SGCZ: variants seen among roughly 807,000 people sequenced by gnomAD.
SGCZ encodes the protein sarcoglycan zeta.
Under a neutral mutation model 41.3 loss-of-function variants are expected in SGCZ, and 40 were observed. The observed-to-expected ratio is 0.97, with a 90% CI of 0.75 to 1.26. SGCZ has a LOEUF of 1.26. Ranked by LOEUF, SGCZ falls within the 50% of genes most tolerant of loss-of-function variation. The pLI is 0.00. For synonymous variants in SGCZ, 206 were observed against 137.5 expected, an observed-to-expected ratio of 1.50 and a Z score of -3.49; for missense variants, 552 against 369.8, an observed-to-expected ratio of 1.49 and a Z score of -4.04.
intron 1 of SGCZ, among the ~76,000 whole-genome samples, chr8:14,795,706 G>A (rs964273609): frequency 6.6e-6 from 1 of 152,108 alleles, no homozygotes; most frequent in African/African-American, 2.4e-5. Flanking sequence ...AGGGGTACAA[G>A]TGCATATTAA....
intron 4 of SGCZ, among the ~76,000 whole-genome samples, chr8:14,177,828 G>A (rs907679484): frequency 6.6e-6 from 1 of 150,786 alleles, no homozygotes; most frequent in Non-Finnish European, 1.5e-5. Flanking sequence ...CCGGCCCTCT[G>A]TTTCCTTTTC....
chr8:15,078,864 C>T (rs930874286), intron 1 of SGCZ, among the ~76,000 whole-genome samples: 1 of 149,592 alleles, frequency 6.7e-6, no homozygotes, highest in Non-Finnish European at 1.5e-5. Context: ...GTATTCTAAT[C>T]CTCCTTTCTC....
intron 3 of SGCZ, among the ~76,000 whole-genome samples, chr8:14,296,563 A>C (rs1177766702): frequency 6.6e-6 from 1 of 152,220 alleles, no homozygotes; most frequent in African/African-American, 2.4e-5. Flanking sequence ...ATATGTATGC[A>C]ATAATATATG....
At chr8:14,631,167 A>C (rs1003707738) in intron 1 of SGCZ, among the ~76,000 whole-genome samples, 9 of 152,060 alleles carry the variant, frequency 5.9e-5, no homozygotes, top group African/African-American at 2.2e-4. Context: ...CGAATCTCCA[A>C]CACGTTATTT....
At chr8:15,071,277 T>G (rs1805341626) in intron 1 of SGCZ, among the ~76,000 whole-genome samples, 2 of 152,310 alleles carry the variant, frequency 1.3e-5, no homozygotes, top group African/African-American at 4.8e-5. Flanking sequence ...GAAAAGACTG[T>G]GTGTTTGTTG....
intron 1 of SGCZ, among the ~76,000 whole-genome samples, chr8:14,991,473 G>A (rs1209467022): frequency 6.6e-6 from 1 of 152,040 alleles, no homozygotes; most frequent in Non-Finnish European, 1.5e-5. Flanking sequence ...TAAATTCTAG[G>A]GCTTTGAGTG....
chr8:14,401,412 T>C (rs1445196972), intron 2 of SGCZ, among the ~76,000 whole-genome samples: 1 of 147,082 alleles, frequency 6.8e-6, no homozygotes, highest in East Asian at 2.0e-4. Flanking sequence ...GCATTAGGTA[T>C]ATCTCCTAAA....
At chr8:14,337,618 C>G (rs537368615) in intron 2 of SGCZ, among the ~76,000 whole-genome samples, 1 of 151,972 alleles carries the variant, frequency 6.6e-6, no homozygotes, top group Non-Finnish European at 1.5e-5. Flanking sequence ...GAATGAAAGT[C>G]TCAGGAAAGT....
chr8:15,045,473 T>G (rs1470263613), intron 1 of SGCZ, among the ~76,000 whole-genome samples: 1 of 152,050 alleles, frequency 6.6e-6, no homozygotes, highest in African/African-American at 2.4e-5. Context: ...CATGTTTCAA[T>G]CAGTAATAAC....
rs188838852 is a variant in SGCZ at position 14,909,683 on chromosome 8, A to G, written c.39+327902T>C. Among the ~76,000 whole-genome samples, 40 of 152,248 alleles carry G rather than the reference A, an allele frequency of 2.6e-4. No homozygotes were observed. The East Asian group carries it at 7.0e-3, about 26-fold the overall frequency. ...AATATGGGAATTTTAATTATAAGGCATAGTTCTAACCAATAACTCAGCCTG... is the reference window on the plus strand; with the variant it reads ...AATATGGGAATTTTAATTATAAGGCGTAGTTCTAACCAATAACTCAGCCTG... On this transcript the variant is annotated intron_variant, in intron 1 of 7. Transcript: ENST00000382080.
intron 1 of SGCZ, among the ~76,000 whole-genome samples, chr8:14,808,824 C>G (rs1380214825): frequency 2.0e-5 from 3 of 151,700 alleles, no homozygotes; most frequent in Admixed American, 6.6e-5. Flanking sequence ...AGACTTGGAA[C>G]CAAACCAAAT....
In SGCZ at chr8:15,026,988, G is replaced by T. The variant is rs561147078; in HGVS notation, c.39+210597C>A. On this transcript the variant is annotated intron_variant, in intron 1 of 7. Transcript: ENST00000382080. Reference sequence around the variant, plus strand: ...AGAAAAATACTTCCAACAGACAATGGTTCCACCAATGACAGAATCATGAAT... The same window carrying T: ...AGAAAAATACTTCCAACAGACAATGTTTCCACCAATGACAGAATCATGAAT... Among the ~76,000 whole-genome samples, 155 of 152,254 alleles carry T rather than the reference G, an allele frequency of 1.0e-3. 1 individual carries two copies. Among genetic ancestry groups the T allele is most frequent in the African/African-American group, 3.1e-3 (130 of 41,554 alleles).
intron 1 of SGCZ, among the ~76,000 whole-genome samples, chr8:14,784,916 ATAT>A (rs1800710609): frequency 1.0e-5 from 1 of 96,178 alleles, no homozygotes; most frequent in African/African-American, 3.7e-5. Flanking sequence ...AAAAAAAAAT[ATAT>A]ATATATATAT....
chr8:14,701,839 T>C (rs553908966), intron 1 of SGCZ, among the ~76,000 whole-genome samples: 1 of 152,022 alleles, frequency 6.6e-6, no homozygotes, highest in South Asian at 2.1e-4. Flanking sequence ...CATCTTTCAT[T>C]TTCAGCCTTT....
At chr8:14,470,981 G>A (rs73520910) in intron 2 of SGCZ, among the ~76,000 whole-genome samples, 2,193 of 152,180 alleles carry the variant, frequency 0.014, 60 homozygotes, top group African/African-American at 0.051. Context: ...AGTAAGAGGC[G>A]CTACCCTAAG....
intron 1 of SGCZ, among the ~76,000 whole-genome samples, chr8:14,708,752 G>C (rs919532210): frequency 6.6e-6 from 1 of 151,468 alleles, no homozygotes; most frequent in African/African-American, 2.4e-5. Flanking sequence ...TTTTTTAATG[G>C]AACAAGATTC....
chr8:14,166,913 G>C (rs563208903), intron 4 of SGCZ, among the ~76,000 whole-genome samples: 3 of 152,172 alleles, frequency 2.0e-5, no homozygotes, highest in Admixed American at 6.6e-5. Flanking sequence ...ATGCATCTAA[G>C]CCATAAATAA....
In SGCZ at chr8:14,192,637, A is replaced by G. The variant is rs574171625; in HGVS notation, c.425-27935T>C. ...TACATTACTTTTCTTCTCAGCCTTC[A>G]TCTTCATTAATTAGATAAGAATGAA... On this transcript the variant is annotated intron_variant, in intron 4 of 7. Transcript: ENST00000382080. 4.3e-3 allele frequency among the ~76,000 whole-genome samples: 649 copies of G among 151,942 alleles called. 8 individuals carry two copies. Among genetic ancestry groups the G allele is most frequent in the Non-Finnish European group, 7.8e-3 (528 of 67,748 alleles).
At chr8:14,231,976 T>C (rs1300287256) in intron 4 of SGCZ, among the ~76,000 whole-genome samples, 1 of 152,022 alleles carries the variant, frequency 6.6e-6, no homozygotes, top group African/African-American at 2.4e-5. Context: ...ATGTGTATCT[T>C]TTTATAAACT....
Sources: gnomAD v4.1 joint callset for allele counts (sites outside exome capture counted in the v4.1 genomes callset) on GRCh38, gnomAD v4.1.1 for gene constraint, MANE v1.5 for transcripts, NCBI Gene and HGNC (gene_info 2026-07-23, HGNC 2026-07-21) for gene names.